RNF130: variants seen among roughly 807,000 people sequenced by gnomAD.
The protein encoded by RNF130 is E3 ubiquitin-protein ligase RNF130.
In RNF130, 21 loss-of-function variants were observed where a neutral mutation model predicts 44.6. The ratio of observed to expected loss-of-function variants is 0.47; its 90% confidence interval spans 0.33 to 0.68. RNF130 has a LOEUF of 0.68. Among genes scored for constraint, RNF130 ranks in the 30% least tolerant of loss-of-function variants. The probability of loss-of-function intolerance (pLI) is 0.02; values close to 1 mark genes in which losing one functional copy is unlikely to be tolerated. For synonymous variants in RNF130, 214 were observed against 210.4 expected, an observed-to-expected ratio of 1.02 and a Z score of -0.15; for missense variants, 479 against 560.6, an observed-to-expected ratio of 0.85 and a Z score of 1.47.
At chr5:180,062,768 G>A (rs1037341397) in intron 1 of RNF130, among the ~76,000 whole-genome samples, 1 of 152,210 alleles carries the variant, frequency 6.6e-6, no homozygotes, top group Non-Finnish European at 1.5e-5. Context: ...ACCTGTACAA[G>A]TATCTGACTG....
At chr5:180,059,374 C>G (rs1764917864) in intron 1 of RNF130, among the ~76,000 whole-genome samples, 1 of 152,182 alleles carries the variant, frequency 6.6e-6, no homozygotes, top group South Asian at 2.1e-4. Context: ...GTGTTATGAC[C>G]TGTGTAACGG....
At chr5:180,071,360 G>GTC in intron 1 of RNF130, 96 bp downstream of exon 1, 1 of 1,150,774 alleles carries the variant, frequency 8.7e-7, no homozygotes, top group Non-Finnish European at 1.1e-6. Context: ...GGGCAGCGCG[G>GTC]GAGAGCCAGG....
chr5:179,970,902 G>A (rs1407419859), intron 5 of RNF130, among the ~76,000 whole-genome samples: 2 of 152,208 alleles, frequency 1.3e-5, no homozygotes, highest in Non-Finnish European at 2.9e-5. Flanking sequence ...TAAGTGAAGA[G>A]TTCTCTGTAT....
chr5:179,920,345 A>G, exon 8 of RNF130: 1 of 702,482 alleles, frequency 1.4e-6, no homozygotes, highest in South Asian at 1.5e-5. Flanking sequence ...ATACATGTCC[A>G]AAGAAGGTTC....
At chr5:179,999,075 T>C (rs892882520) in intron 3 of RNF130, among the ~76,000 whole-genome samples, 1 of 151,678 alleles carries the variant, frequency 6.6e-6, no homozygotes, top group Admixed American at 6.6e-5. Context: ...CAGGCTGGAG[T>C]GCAGTGGTGT....
chr5:179,987,500 CT>C (rs1436057963), intron 3 of RNF130, among the ~76,000 whole-genome samples: 2 of 152,192 alleles, frequency 1.3e-5, no homozygotes, highest in African/African-American at 4.8e-5. Context: ...ACTGCTCCGG[CT>C]ATGACTTCCA....
At chr5:180,069,852 T>C (rs984336077) in intron 1 of RNF130, among the ~76,000 whole-genome samples, 1 of 152,136 alleles carries the variant, frequency 6.6e-6, no homozygotes, top group Non-Finnish European at 1.5e-5. Context: ...TAGTTTCCAA[T>C]ACCCTTCTAC....
intron 7 of RNF130, among the ~76,000 whole-genome samples, chr5:179,922,043 G>GA (rs1237699004): frequency 6.7e-6 from 1 of 150,230 alleles, no homozygotes; most frequent in Non-Finnish European, 1.5e-5. Flanking sequence ...AAAGGAAAAA[G>GA]AAAAAAAAAG....
intron 3 of RNF130, among the ~76,000 whole-genome samples, chr5:179,994,828 G>A (rs1199526363): frequency 6.6e-6 from 1 of 152,176 alleles, no homozygotes; most frequent in Non-Finnish European, 1.5e-5. Context: ...GTAGTTGCAG[G>A]TCACAGCTGG....
intron 1 of RNF130, among the ~76,000 whole-genome samples, chr5:180,045,315 C>T (rs1396977468): frequency 2.0e-5 from 3 of 152,164 alleles, no homozygotes; most frequent in African/African-American, 4.8e-5. Flanking sequence ...AAGGAAGCCG[C>T]GGACCCTCAC....
At chr5:180,020,776 TCA>T (rs1490541241) in intron 2 of RNF130, among the ~76,000 whole-genome samples, 2 of 152,014 alleles carry the variant, frequency 1.3e-5, no homozygotes, top group Non-Finnish European at 2.9e-5. Context: ...CTTTCTTCCT[TCA>T]CACACAGAGG....
At chr5:179,992,136 T>G (rs944140392) in intron 3 of RNF130, among the ~76,000 whole-genome samples, 3 of 152,122 alleles carry the variant, frequency 2.0e-5, no homozygotes, top group African/African-American at 4.8e-5. Context: ...CTGATGTAAA[T>G]CATTGTTTTT....
intron 8 of RNF130, among the ~76,000 whole-genome samples, chr5:179,962,229 A>C (rs1360008119): frequency 6.6e-6 from 1 of 152,104 alleles, no homozygotes; most frequent in African/African-American, 2.4e-5. Context: ...CCCGACCCTG[A>C]CATCTGTGAG....
chr5:179,944,221 G>A (rs561952471), intron 7 of RNF130, among the ~76,000 whole-genome samples: 28 of 152,102 alleles, frequency 1.8e-4, no homozygotes, highest in African/African-American at 6.8e-4. Flanking sequence ...TGCCTGCCTT[G>A]GCCTCCCAAA....
rs375005096 is a variant in RNF130 at position 179,980,211 on chromosome 5, T to G, written c.694-11A>C. On this transcript the variant is annotated splice_polypyrimidine_tract_variant and intron_variant, in intron 3 of 8. Transcript: ENST00000521389. ...ATCTCCGAGACGACGCTATGAAAATTGCAAATAAAAACAGATACTAAGTGT... is the reference window on the plus strand; with the variant it reads ...ATCTCCGAGACGACGCTATGAAAATGGCAAATAAAAACAGATACTAAGTGT... The G allele has an allele frequency of 1.2e-4, 194 of 1,613,622 alleles. No homozygotes were observed. The highest frequency in any genetic ancestry group is 1.6e-4 in the Non-Finnish European group (185 of 1,179,710).
At chr5:180,001,706 G>A (rs1763348106) in intron 3 of RNF130, among the ~76,000 whole-genome samples, 1 of 152,146 alleles carries the variant, frequency 6.6e-6, no homozygotes, top group Non-Finnish European at 1.5e-5. Context: ...TTAGATCTGT[G>A]AAGTCCAGTG....
At chr5:179,925,315 A>T (rs1233134944) in intron 7 of RNF130, among the ~76,000 whole-genome samples, 2 of 152,156 alleles carry the variant, frequency 1.3e-5, no homozygotes, top group Non-Finnish European at 2.9e-5. Context: ...CCACGTAATG[A>T]AGCCTCCATA....
chr5:179,917,414 A>C (rs1461340483), exon 8 of RNF130: 1 of 152,182 alleles, frequency 6.6e-6, no homozygotes, highest in East Asian at 1.9e-4. Context: ...CCTTACTTCA[A>C]ACAGTTCCCC....
At chr5:179,941,876 A>C (rs950033748) in intron 7 of RNF130, among the ~76,000 whole-genome samples, 23 of 152,204 alleles carry the variant, frequency 1.5e-4, no homozygotes, top group African/African-American at 5.5e-4. Context: ...GCTTAATAGA[A>C]TACTGAAACT....
Sources: gnomAD v4.1 joint callset for allele counts (sites outside exome capture counted in the v4.1 genomes callset) on GRCh38, gnomAD v4.1.1 for gene constraint, MANE v1.5 for transcripts, NCBI Gene and HGNC (gene_info 2026-07-23, HGNC 2026-07-21) for gene names.